CSMD3: variants seen among roughly 807,000 people sequenced by gnomAD.
CSMD3 encodes the protein CUB and Sushi multiple domains 3, also known as CUB and sushi domain-containing protein 3.
A neutral mutation model predicts 435.2 loss-of-function variants in CSMD3; 177 were observed. That is an observed-to-expected ratio of 0.41 (90% CI 0.36 to 0.46). The LOEUF (loss-of-function observed/expected upper bound fraction) is 0.46. Ranked by LOEUF, CSMD3 falls within the 20% of genes least tolerant of loss-of-function variation. The pLI is 0.34. For synonymous variants in CSMD3, 1,656 were observed against 1,520.5 expected (o/e 1.09, Z -2.07); for missense variants, 4,265 against 4,504.6 (o/e 0.95, Z 1.52).
chr8:113,013,505 T>C (rs10094495), intron 6 of CSMD3, among the ~76,000 whole-genome samples: 2,434 of 152,188 alleles, frequency 0.016, 65 homozygotes, highest in African/African-American at 0.053. Context: ...TGGCTATCCA[T>C]TGAGGTGGTT....
At chr8:113,419,796 A>G (rs551070963) in intron 1 of CSMD3, among the ~76,000 whole-genome samples, 1 of 152,060 alleles carries the variant, frequency 6.6e-6, no homozygotes, top group East Asian at 1.9e-4. Context: ...TTTTTTAACC[A>G]TTAGAATGAA....
At chr8:112,528,516 C>T (rs546213185) in intron 27 of CSMD3, among the ~76,000 whole-genome samples, 2 of 151,908 alleles carry the variant, frequency 1.3e-5, no homozygotes, top group Non-Finnish European at 1.5e-5. Context: ...AAATTGAATA[C>T]CAAGGAGCAC....
chr8:113,093,256 C>T (rs2131521330), intron 5 of CSMD3, among the ~76,000 whole-genome samples: 1 of 151,682 alleles, frequency 6.6e-6, no homozygotes, highest in East Asian at 1.9e-4. Flanking sequence ...ATTATGCATT[C>T]CAAAGTAGGG....
At chr8:112,830,123 C>G (rs1431953464) in intron 11 of CSMD3, among the ~76,000 whole-genome samples, 1 of 152,022 alleles carries the variant, frequency 6.6e-6, no homozygotes, top group Admixed American at 6.6e-5. Flanking sequence ...TAAAGCAAAT[C>G]TACTTTAAGA....
intron 13 of CSMD3, among the ~76,000 whole-genome samples, chr8:112,796,501 G>A (rs184300937): frequency 3.3e-5 from 5 of 152,128 alleles, no homozygotes; most frequent in Admixed American, 3.3e-4. Flanking sequence ...ATTGGAATAT[G>A]CAAGGCTCTT....
At chr8:113,220,444 C>A (rs1352557844) in intron 3 of CSMD3, among the ~76,000 whole-genome samples, 2 of 151,160 alleles carry the variant, frequency 1.3e-5, no homozygotes, top group African/African-American at 4.8e-5. Context: ...TCCACGGCAA[C>A]CTTAGCACCA....
intron 4 of CSMD3, among the ~76,000 whole-genome samples, chr8:113,148,030 C>T (rs2091718652): frequency 6.6e-6 from 1 of 151,502 alleles, no homozygotes; most frequent in South Asian, 2.1e-4. Flanking sequence ...ACCTTACACT[C>T]CCACTTTCTC....
chr8:113,245,333 C>T (rs974452010), intron 3 of CSMD3, among the ~76,000 whole-genome samples: 2 of 151,650 alleles, frequency 1.3e-5, no homozygotes, highest in Admixed American at 6.6e-5. Flanking sequence ...CATTTTGTTC[C>T]CCTAGTATTC....
chr8:113,281,101 T>C (rs2093610039), intron 2 of CSMD3, among the ~76,000 whole-genome samples: 1 of 151,914 alleles, frequency 6.6e-6, no homozygotes, highest in Non-Finnish European at 1.5e-5. Flanking sequence ...TGGTCTATCT[T>C]GTAGAAAGTT....
chr8:113,188,824 T>C (rs930518088), intron 3 of CSMD3, among the ~76,000 whole-genome samples: 4 of 151,946 alleles, frequency 2.6e-5, no homozygotes, highest in Non-Finnish European at 5.9e-5. Context: ...CAATTTCTTT[T>C]TGAGTACCAT....
In CSMD3 at chr8:113,273,179, A is replaced by G. The variant is rs150277697; in HGVS notation, c.514+5413T>C. Among the ~76,000 whole-genome samples, 256 of 152,130 alleles carry G rather than the reference A, an allele frequency of 1.7e-3. 1 individual carries two copies. The highest frequency in any genetic ancestry group is 3.4e-3 in the Middle Eastern group (1 of 294). ...ATAAAACAAATTTTGTTTAAATAAA[A>G]CATTTTCTTGATTATTGAGATCCCA... is the stretch of plus-strand genomic sequence containing the variant. On this transcript the variant is annotated intron_variant, in intron 3 of 70. Transcript: ENST00000297405.
At chr8:112,360,940 T>G (rs1361482800) in intron 38 of CSMD3, among the ~76,000 whole-genome samples, 1 of 151,974 alleles carries the variant, frequency 6.6e-6, no homozygotes, top group East Asian at 1.9e-4. Context: ...ACAGTTTGAA[T>G]TTTGCAGCCA....
chr8:113,154,972 A>G (rs921378394), intron 4 of CSMD3, among the ~76,000 whole-genome samples: 2 of 151,988 alleles, frequency 1.3e-5, no homozygotes, highest in Non-Finnish European at 2.9e-5. Flanking sequence ...ATAAATGTGC[A>G]TTTTCTTTCC....
At chr8:112,341,728 C>G (rs1454690538) in intron 41 of CSMD3, 42 bp from the exon 42 acceptor site, 1 of 1,236,436 alleles carries the variant, frequency 8.1e-7, no homozygotes, top group Middle Eastern at 2.1e-4. Flanking sequence ...ATTTGCTTTA[C>G]CGAATTAAAC....
rs368043973 is a variant in CSMD3 at position 112,959,954 on chromosome 8, G to A, written c.1343-5193C>T. ...GAGTCTATAAGACATGGGACATGTCGATTAACTTTTCTATTCAGTTCTAAG... is the reference window on the plus strand; with the variant it reads ...GAGTCTATAAGACATGGGACATGTCAATTAACTTTTCTATTCAGTTCTAAG... On this transcript the variant is annotated intron_variant, in intron 7 of 70. Coordinates refer to ENST00000297405, the MANE Select transcript of CSMD3 (RefSeq NM_198123.2). Among the ~76,000 whole-genome samples, 9 of 151,886 alleles carry A rather than the reference G, an allele frequency of 5.9e-5. No homozygotes were observed. The East Asian group carries it at 1.7e-3, about 29-fold the overall frequency.
At chr8:113,187,119 C>T (rs545035404) in intron 3 of CSMD3, among the ~76,000 whole-genome samples, 204 of 151,842 alleles carry the variant, frequency 1.3e-3, no homozygotes, top group African/African-American at 4.8e-3. Flanking sequence ...TTAGCAGGAA[C>T]CCCTTTCACT....
chr8:112,386,076 C>A (rs1346249977), intron 36 of CSMD3, among the ~76,000 whole-genome samples: 1 of 152,048 alleles, frequency 6.6e-6, no homozygotes, highest in Non-Finnish European at 1.5e-5. Context: ...GTGATGTGGC[C>A]AGAATCCAAA....
intron 13 of CSMD3, among the ~76,000 whole-genome samples, chr8:112,744,789 T>C (rs2077390899): frequency 6.6e-6 from 1 of 151,986 alleles, no homozygotes; most frequent in Admixed American, 6.6e-5. Flanking sequence ...CAAGTGCAAA[T>C]AGCATTACAA....
At chr8:112,500,050 G>A (rs981436145) in intron 30 of CSMD3, among the ~76,000 whole-genome samples, 21 of 152,040 alleles carry the variant, frequency 1.4e-4, no homozygotes, top group African/African-American at 4.8e-4. Context: ...CAAAGGTTGC[G>A]GTGAACCGGG....
Sources: allele counts gnomAD v4.1 joint callset (sites outside exome capture counted in the v4.1 genomes callset), GRCh38; gene constraint gnomAD v4.1.1; transcripts MANE v1.5; gene names NCBI Gene and HGNC (gene_info 2026-07-23, HGNC 2026-07-21).